The following RABGAP1L variants were observed in gnomAD, a reference collection of about 807,000 sequenced individuals.
RABGAP1L encodes the protein RAB GTPase activating protein 1 like.
In RABGAP1L, 63 loss-of-function variants were observed where a neutral mutation model predicts 137.7. That is an observed-to-expected ratio of 0.46 (90% confidence interval 0.37 to 0.56). The LOEUF (loss-of-function observed/expected upper bound fraction) is 0.56, where lower values mean the gene tolerates loss of function less well. Among genes scored for constraint, RABGAP1L ranks in the 20% least tolerant of loss-of-function variants. The pLI is 0.00. For missense variants in RABGAP1L, 1,095 were observed against 1,244.0 expected, an observed-to-expected ratio of 0.88 and a Z score of 1.80; for synonymous variants, 431 against 433.7, an observed-to-expected ratio of 0.99 and a Z score of 0.08.
At chr1:174,527,213 T>G (rs1030120008) in intron 13 of RABGAP1L, among the ~76,000 whole-genome samples, 12 of 150,374 alleles carry the variant, frequency 8.0e-5, no homozygotes, top group African/African-American at 2.7e-4. Context: ...TGTTTTTTTT[T>G]TTTTTTTTGA....
chr1:174,251,041 T>G (rs1672672215), intron 6 of RABGAP1L, among the ~76,000 whole-genome samples: 1 of 152,290 alleles, frequency 6.6e-6, no homozygotes, highest in Non-Finnish European at 1.5e-5. Flanking sequence ...CCTCAGGTGA[T>G]CTGCCTTCCT....
At chr1:174,857,728 G>T (rs1027222913) in intron 19 of RABGAP1L, among the ~76,000 whole-genome samples, 2 of 151,998 alleles carry the variant, frequency 1.3e-5, no homozygotes, top group African/African-American at 4.8e-5. Context: ...ATAACAATGA[G>T]ACACCCACAG....
intron 1 of RABGAP1L, among the ~76,000 whole-genome samples, chr1:174,198,438 C>T (rs1468261315): frequency 2.6e-5 from 4 of 152,136 alleles, no homozygotes; most frequent in Admixed American, 2.6e-4. Flanking sequence ...GAGAAGGACA[C>T]ACAGTAAATA....
chr1:174,338,720 A>G (rs1321056946), intron 11 of RABGAP1L, among the ~76,000 whole-genome samples: 2 of 151,988 alleles, frequency 1.3e-5, no homozygotes, highest in African/African-American at 4.8e-5. Context: ...TTTTAATGAA[A>G]TTGTTCCTTT....
chr1:174,874,392 A>G, intron 19 of RABGAP1L: 1 of 869,494 alleles, frequency 1.2e-6, no homozygotes, highest in Non-Finnish European at 1.4e-6. Flanking sequence ...TAGCGAAGTT[A>G]AATGACTTGC....
chr1:174,173,129 A>C (rs1665546130), intron 1 of RABGAP1L, among the ~76,000 whole-genome samples: 1 of 151,680 alleles, frequency 6.6e-6, no homozygotes, highest in East Asian at 1.9e-4. Context: ...CAAGTTAAAA[A>C]GATTTTTTTT....
At chr1:174,432,055 C>A (rs1056668766) in intron 13 of RABGAP1L, among the ~76,000 whole-genome samples, 1 of 151,980 alleles carries the variant, frequency 6.6e-6, no homozygotes, top group African/African-American at 2.4e-5. Flanking sequence ...ATGGTTGATC[C>A]CTTCACCCAG....
intron 20 of RABGAP1L, among the ~76,000 whole-genome samples, chr1:174,963,631 T>C (rs1194247920): frequency 1.3e-5 from 2 of 151,762 alleles, no homozygotes; most frequent in African/African-American, 4.9e-5. Flanking sequence ...TTTTGAAAAT[T>C]TGATTTGTGT....
In RABGAP1L at chr1:174,448,115, A is replaced by C. The variant is rs1654999492; in HGVS notation, c.1710+53970A>C. The C allele has an allele frequency of 6.2e-7, 1 of 1,608,144 alleles. No individual in the cohort carries two copies. Among genetic ancestry groups the C allele is most frequent in the Non-Finnish European group, 8.5e-7 (1 of 1,176,592 alleles). On this transcript the variant is annotated intron_variant, in intron 13 of 25. Transcript: ENST00000681986. The surrounding 1 kb of genome is among the most constrained non-coding windows in gnomAD (Gnocchi z 4.2). ...GGTGTCTTTAAATTTCCAAGCCATG[A>C]ATGAATCCAGGTGGACTGAATGGAG...
chr1:174,436,704 G>T (rs898873707), intron 13 of RABGAP1L, among the ~76,000 whole-genome samples: 4 of 152,044 alleles, frequency 2.6e-5, no homozygotes, highest in Admixed American at 2.6e-4. Flanking sequence ...CATTGCTTTT[G>T]GTGTTTTAGA....
chr1:174,539,713 T>C (rs982156091), intron 13 of RABGAP1L, among the ~76,000 whole-genome samples: 1 of 152,234 alleles, frequency 6.6e-6, no homozygotes, highest in African/African-American at 2.4e-5. Context: ...TTGGGTTGGT[T>C]CCAAGTCTGT....
intron 7 of RABGAP1L, among the ~76,000 whole-genome samples, chr1:174,270,481 A>G (rs774938763): frequency 8.5e-5 from 13 of 152,050 alleles, no homozygotes; most frequent in East Asian, 3.9e-4. Context: ...AAGATTACCT[A>G]TTGGTTACAA....
rs561500059 is a variant in RABGAP1L at position 174,682,313 on chromosome 1, T to C, written c.1825-1209T>C. Among the ~76,000 whole-genome samples the C allele has an allele frequency of 7.3e-5, 11 of 150,742 alleles. No homozygotes were observed. The East Asian group carries it at 2.1e-3, about 29-fold the overall frequency. The stretch of plus-strand genomic sequence containing the variant: ...CTCTCTCTCTATACATACATATATA[T>C]ATATACACACACACACACACACACA... On this transcript the variant is annotated intron_variant, in intron 14 of 25. Transcript: ENST00000681986.
rs926804766 is a variant in RABGAP1L, at chr1:174,167,987, G to A, written c.-34+8330G>A. ...ATTTATCTTGCATACATTGATGGCC[G>A]GGGGTGGTGGCCCACACCTGTAATC... On this transcript the variant is annotated intron_variant, in intron 1 of 25. Transcript: ENST00000681986. Among the ~76,000 whole-genome samples the A allele has an allele frequency of 4.6e-5, 7 of 152,002 alleles. No homozygotes were observed. The East Asian group carries it at 1.2e-3, about 25-fold the overall frequency.
At chr1:174,527,901 C>CTTTTTTTTTTTT (rs57707616) in intron 13 of RABGAP1L, among the ~76,000 whole-genome samples, 1 of 124,838 alleles carries the variant, frequency 8.0e-6, no homozygotes, top group Non-Finnish European at 1.6e-5. Flanking sequence ...ATATACTTGT[C>CTTTTTTTTTTTT]TTTTTTTTTT....
chr1:174,945,164 G>A (rs542338303), intron 19 of RABGAP1L, among the ~76,000 whole-genome samples: 1 of 152,246 alleles, frequency 6.6e-6, no homozygotes, highest in South Asian at 2.1e-4. Context: ...GCTTTCTGTG[G>A]TCCAATTTTG....
chr1:174,805,995 A>G (rs1689261679), intron 18 of RABGAP1L, among the ~76,000 whole-genome samples: 1 of 152,218 alleles, frequency 6.6e-6, no homozygotes, highest in South Asian at 2.1e-4. Context: ...AAAGCAATAT[A>G]GAAAAGCTCT....
chr1:174,936,298 T>G (rs1664782334), intron 19 of RABGAP1L, among the ~76,000 whole-genome samples: 2 of 152,020 alleles, frequency 1.3e-5, no homozygotes, highest in Non-Finnish European at 1.5e-5. Flanking sequence ...CAAGACCTGG[T>G]CTCTACTAAA....
At chr1:174,886,269 C>T (rs931575140) in intron 19 of RABGAP1L, among the ~76,000 whole-genome samples, 37 of 152,112 alleles carry the variant, frequency 2.4e-4, no homozygotes, top group Admixed American at 5.9e-4. Context: ...GCCTTGACCT[C>T]CCAAAGTGCT....
Sources: allele counts gnomAD v4.1 joint callset (sites outside exome capture counted in the v4.1 genomes callset), GRCh38; gene constraint gnomAD v4.1.1; non-coding constraint Gnocchi (gnomAD v3.1); transcripts MANE v1.5; gene names NCBI Gene and HGNC (gene_info 2026-07-23, HGNC 2026-07-21).